Variants in ANTXR1 observed in about 807,000 individuals in gnomAD.
ANTXR1 encodes the protein anthrax toxin receptor 1.
Under a neutral mutation model 78.1 loss-of-function variants are expected in ANTXR1, and 19 were observed. The observed-to-expected ratio is 0.24, with a 90% CI of 0.17 to 0.36. The LOEUF is 0.36. ANTXR1 is among the 10% of genes least tolerant of loss of function. ANTXR1 has a pLI of 1.00. For synonymous variants in ANTXR1, 273 were observed against 260.5 expected (o/e 1.05, Z -0.46); for missense variants, 518 against 718.6 (o/e 0.72, Z 3.19).
intron 17 of ANTXR1, among the ~76,000 whole-genome samples, chr2:69,227,047 C>T (rs1675474230): frequency 6.6e-6 from 1 of 152,146 alleles, no homozygotes; most frequent in Non-Finnish European, 1.5e-5. Flanking sequence ...ATTTCAGATC[C>T]AACTTCTACA....
intron 3 of ANTXR1, among the ~76,000 whole-genome samples, chr2:69,063,283 G>T (rs190240559): frequency 5.4e-5 from 8 of 148,402 alleles, no homozygotes; most frequent in Non-Finnish European, 1.2e-4. Context: ...CAGAGGGAAG[G>T]CAGGAAAGAT....
In ANTXR1 at chr2:69,189,270, G is replaced by C. The variant is rs575552031; in HGVS notation, c.1354-4065G>C. On this transcript the variant is annotated intron_variant, in intron 16 of 17. Coordinates refer to ENST00000303714, the MANE Select transcript of ANTXR1 (RefSeq NM_032208.3). Reference sequence around the variant, plus strand: ...AGAGCCCAATGACAGCAGCTCACCCGGATCAAGCATGCCCTGCAAGTCGGG... The same window carrying C: ...AGAGCCCAATGACAGCAGCTCACCCCGATCAAGCATGCCCTGCAAGTCGGG... Among the ~76,000 whole-genome samples, 5 of 152,154 alleles carry C rather than the reference G, an allele frequency of 3.3e-5. No individual in the cohort carries two copies. In the East Asian group the frequency reaches 9.6e-4, roughly 29 times the overall value.
chr2:69,119,874 C>G (rs1369690537), intron 10 of ANTXR1, among the ~76,000 whole-genome samples: 1 of 152,206 alleles, frequency 6.6e-6, no homozygotes, highest in South Asian at 2.1e-4. Flanking sequence ...GAATAATACA[C>G]CATCCTGATA....
chr2:69,028,933 G>T (rs1271443817), intron 1 of ANTXR1, among the ~76,000 whole-genome samples: 3 of 151,998 alleles, frequency 2.0e-5, no homozygotes, highest in South Asian at 2.1e-4. Flanking sequence ...TATGAGAAAA[G>T]AGGCTGGGTG....
At chr2:69,145,137 T>A (rs1357688772) in intron 12 of ANTXR1, among the ~76,000 whole-genome samples, 1 of 152,088 alleles carries the variant, frequency 6.6e-6, no homozygotes, top group Non-Finnish European at 1.5e-5. Flanking sequence ...GTTAAATAGA[T>A]TTACCAGTCT....
At chr2:69,021,894 C>T (rs1671200491) in intron 1 of ANTXR1, among the ~76,000 whole-genome samples, 1 of 152,144 alleles carries the variant, frequency 6.6e-6, no homozygotes, top group Admixed American at 6.5e-5. Context: ...TACTGTCAGA[C>T]GTGATGTTTC....
intron 17 of ANTXR1, among the ~76,000 whole-genome samples, chr2:69,243,728 T>C (rs1476998244): frequency 2.0e-5 from 3 of 152,192 alleles, no homozygotes; most frequent in Non-Finnish European, 2.9e-5. Flanking sequence ...GGAAACTCTG[T>C]GCTCTCTGGA....
chr2:69,027,680 G>A (rs1266363854), intron 1 of ANTXR1, among the ~76,000 whole-genome samples: 3 of 151,120 alleles, frequency 2.0e-5, no homozygotes, highest in African/African-American at 7.3e-5. Flanking sequence ...GGAAGCAAAT[G>A]CCAAGCCAAG....
chr2:69,188,390 C>T (rs34325824), intron 16 of ANTXR1, among the ~76,000 whole-genome samples: 6,792 of 152,232 alleles, frequency 0.045, 512 homozygotes, highest in African/African-American at 0.16. Flanking sequence ...CCACCGTGCC[C>T]GGCTCCCTAC....
rs1408059461 is a variant in ANTXR1, at chr2:69,248,762, A to G, written c.*3277A>G. 1.3e-5 allele frequency: 2 copies of G among 152,162 alleles called. No homozygotes were observed. Among genetic ancestry groups the G allele is most frequent in the Non-Finnish European group, 2.9e-5 (2 of 68,044 alleles). 9.4% of individuals were successfully genotyped at this position (152,162 alleles called of 1,614,324 possible). A position where few individuals can be genotyped will look rare whatever the true frequency, so the allele number is the denominator to read the frequency against. On this transcript the variant is annotated 3_prime_UTR_variant, in exon 18 of 18. Transcript: ENST00000303714. ...GATGATAAGCAAATGTTTCAGCCCA[A>G]TGTCAACCCAGTTAAAAAAAAAATT...
At chr2:69,058,721 T>G (rs756396635) in intron 3 of ANTXR1, among the ~76,000 whole-genome samples, 10 of 152,206 alleles carry the variant, frequency 6.6e-5, no homozygotes, top group Non-Finnish European at 1.0e-4. Flanking sequence ...AAGAAATGCA[T>G]GTCTATAGCT....
At chr2:69,145,994 T>A in intron 12 of ANTXR1, 1 of 985,412 alleles carries the variant, frequency 1.0e-6, no homozygotes, top group Non-Finnish European at 1.2e-6. Context: ...CCTCATTTTG[T>A]GAGTTGGGAG....
chr2:69,227,140 T>TA (rs1037155681), intron 17 of ANTXR1, among the ~76,000 whole-genome samples: 7 of 152,254 alleles, frequency 4.6e-5, no homozygotes, highest in African/African-American at 9.6e-5. Flanking sequence ...TGCTTTTTTT[T>TA]ACTCCTAAAT....
chr2:69,022,911 C>T (rs1671235566), intron 1 of ANTXR1, among the ~76,000 whole-genome samples: 2 of 152,140 alleles, frequency 1.3e-5, no homozygotes, highest in South Asian at 2.1e-4. Flanking sequence ...CATGTTTTGC[C>T]CTTCAGTGTT....
intron 17 of ANTXR1, among the ~76,000 whole-genome samples, chr2:69,219,384 G>GACACACAC (rs377200577): frequency 0.035 from 4,585 of 132,258 alleles, 152 homozygotes; most frequent in Middle Eastern, 0.079. Context: ...CCAGAAGGAG[G>GACACACAC]ACACACACAC....
At chr2:69,219,477 A>G (rs550095778) in intron 17 of ANTXR1, among the ~76,000 whole-genome samples, 4 of 151,072 alleles carry the variant, frequency 2.6e-5, no homozygotes, top group South Asian at 2.1e-4. Flanking sequence ...CTATGAGTAC[A>G]TCTTGTTCTT....
chr2:69,065,206 A>T (rs897351878), intron 3 of ANTXR1, among the ~76,000 whole-genome samples: 1 of 152,140 alleles, frequency 6.6e-6, no homozygotes, highest in Non-Finnish European at 1.5e-5. Context: ...CGGGCGGATC[A>T]CAAGGTCAGG....
Position 69,070,244 on chromosome 2 carries a change from T to C in ANTXR1, c.297-403T>C, listed in dbSNP as rs1426068067. 2.0e-5 allele frequency among the ~76,000 whole-genome samples: 3 copies of C among 152,180 alleles called. No homozygotes were observed. In the East Asian group the frequency reaches 5.8e-4, roughly 29 times the overall value. ...TGCCACCCTCTTCCACCTGCGTCCT[T>C]GTGGTGGCCTTTCCCTGGGTTCTTG... is the stretch of plus-strand genomic sequence containing the variant. On this transcript the variant is annotated intron_variant, in intron 3 of 17. Coordinates refer to ENST00000303714, the MANE Select transcript of ANTXR1 (RefSeq NM_032208.3).
chr2:69,244,081 A>G (rs1039225228), intron 17 of ANTXR1, among the ~76,000 whole-genome samples: 1 of 152,236 alleles, frequency 6.6e-6, no homozygotes, highest in Non-Finnish European at 1.5e-5. Flanking sequence ...AGTGTTGCAC[A>G]GAAGTTCCTG....
Sources: gnomAD v4.1 joint callset for allele counts (sites outside exome capture counted in the v4.1 genomes callset) on GRCh38, gnomAD v4.1.1 for gene constraint, MANE v1.5 for transcripts, NCBI Gene and HGNC (gene_info 2026-07-23, HGNC 2026-07-21) for gene names.